MAML3: variants seen among roughly 807,000 people sequenced by gnomAD.
The protein encoded by MAML3 is mastermind like transcriptional coactivator 3.
Under a neutral mutation model 101.9 loss-of-function variants are expected in MAML3, and 27 were observed. The ratio of observed to expected loss-of-function variants is 0.27; its 90% CI spans 0.20 to 0.37. The LOEUF (loss-of-function observed/expected upper bound fraction) is 0.37, where lower values mean the gene tolerates loss of function less well. Ranked by LOEUF, MAML3 falls within the 10% of genes least tolerant of loss-of-function variation. MAML3 has a pLI of 1.00. For missense variants in MAML3, 1,316 were observed against 1,444.9 expected (o/e 0.91, Z 1.45); for synonymous variants, 501 against 555.9 (o/e 0.90, Z 1.39).
intron 2 of MAML3, among the ~76,000 whole-genome samples, chr4:139,887,972 C>G (rs1732375881): frequency 6.6e-6 from 1 of 152,168 alleles, no homozygotes; most frequent in Admixed American, 6.5e-5. Context: ...TTTCTAGTAG[C>G]TACTGATTGC....
intron 1 of MAML3, among the ~76,000 whole-genome samples, chr4:139,942,489 G>C (rs1019110713): frequency 1.3e-5 from 2 of 152,226 alleles, no homozygotes; most frequent in African/African-American, 2.4e-5. Context: ...AGGAACTGGA[G>C]CAGACACATC....
intron 2 of MAML3, among the ~76,000 whole-genome samples, chr4:139,747,315 C>T (rs1729356607): frequency 1.3e-5 from 2 of 152,128 alleles, no homozygotes; most frequent in South Asian, 2.1e-4. Flanking sequence ...TTTCCCCCAC[C>T]TTTTAGACAG....
At chr4:139,762,409 G>C (rs1362489132) in intron 2 of MAML3, among the ~76,000 whole-genome samples, 1 of 152,120 alleles carries the variant, frequency 6.6e-6, no homozygotes, top group Non-Finnish European at 1.5e-5. Flanking sequence ...TCATTCATTT[G>C]CATTTCTTTT....
At chr4:139,931,425 C>T (rs1419904810) in intron 1 of MAML3, among the ~76,000 whole-genome samples, 1 of 152,126 alleles carries the variant, frequency 6.6e-6, no homozygotes, top group African/African-American at 2.4e-5. Flanking sequence ...TACCTTGTAC[C>T]GTCTAAAAAT....
chr4:139,788,173 T>C (rs771592647), intron 2 of MAML3, among the ~76,000 whole-genome samples: 3 of 152,202 alleles, frequency 2.0e-5, no homozygotes, highest in Admixed American at 2.0e-4. Context: ...TTCTTTTCGA[T>C]ATTACATTGA....
chr4:139,947,208 C>T (rs892769096), intron 1 of MAML3, among the ~76,000 whole-genome samples: 2 of 152,070 alleles, frequency 1.3e-5, no homozygotes, highest in Non-Finnish European at 2.9e-5. Flanking sequence ...TTAAAATCTT[C>T]GGTAGATTTT....
chr4:139,832,254 G>A (rs971770326), intron 2 of MAML3, among the ~76,000 whole-genome samples: 9 of 151,240 alleles, frequency 6.0e-5, no homozygotes, highest in African/African-American at 2.2e-4. Flanking sequence ...ACAGGCGTGT[G>A]CCACTACGCC....
intron 2 of MAML3, among the ~76,000 whole-genome samples, chr4:139,840,792 T>C (rs913377679): frequency 6.6e-6 from 1 of 152,208 alleles, no homozygotes; most frequent in Non-Finnish European, 1.5e-5. Context: ...TTGCTCTCTC[T>C]GCCATGGTGG....
intron 2 of MAML3, among the ~76,000 whole-genome samples, chr4:139,827,528 G>A (rs893511930): frequency 1.3e-5 from 2 of 151,872 alleles, no homozygotes; most frequent in African/African-American, 2.4e-5. Context: ...AATTACAAAG[G>A]ACTAGGGGGG....
At chr4:139,984,650 G>T (rs1250841138) in intron 1 of MAML3, among the ~76,000 whole-genome samples, 1 of 152,108 alleles carries the variant, frequency 6.6e-6, no homozygotes, top group Non-Finnish European at 1.5e-5. Flanking sequence ...TGGCTCATGC[G>T]ACTGTGGGGG....
At chr4:140,094,646 C>T (rs1728122306) in intron 1 of MAML3, among the ~76,000 whole-genome samples, 1 of 152,302 alleles carries the variant, frequency 6.6e-6, no homozygotes, top group Non-Finnish European at 1.5e-5. Flanking sequence ...CTAAGATAGC[C>T]GGTGGCCAAC....
chr4:140,072,375 A>G (rs1168893457), intron 1 of MAML3, among the ~76,000 whole-genome samples: 2 of 152,180 alleles, frequency 1.3e-5, no homozygotes, highest in Non-Finnish European at 2.9e-5. Context: ...TCAAGGGATA[A>G]CTTAAAGTAT....
intron 1 of MAML3, among the ~76,000 whole-genome samples, chr4:140,143,770 C>T (rs796319444): frequency 2.0e-4 from 30 of 152,150 alleles, no homozygotes; most frequent in African/African-American, 6.7e-4. Context: ...CAAAAAAAGA[C>T]AACCGTTCAC....
intron 1 of MAML3, among the ~76,000 whole-genome samples, chr4:139,968,186 C>A (rs1337764880): frequency 6.6e-6 from 1 of 151,214 alleles, no homozygotes; most frequent in African/African-American, 2.4e-5. Context: ...AGGCTTTATA[C>A]AATGACATTT....
chr4:140,141,078 A>G (rs1363854479), intron 1 of MAML3, among the ~76,000 whole-genome samples: 1 of 152,216 alleles, frequency 6.6e-6, no homozygotes, highest in Non-Finnish European at 1.5e-5. Context: ...TCAGGTGAAG[A>G]CAGAAAAATA....
chr4:139,930,590 C>G (rs1578603078), intron 1 of MAML3, among the ~76,000 whole-genome samples: 1 of 152,162 alleles, frequency 6.6e-6, no homozygotes, highest in Non-Finnish European at 1.5e-5. Flanking sequence ...AACACAGTAG[C>G]AAGGAATAGG....
At chr4:139,853,108 C>T (rs923376574) in intron 2 of MAML3, among the ~76,000 whole-genome samples, 15 of 152,328 alleles carry the variant, frequency 9.8e-5, no homozygotes, top group African/African-American at 2.6e-4. Flanking sequence ...GATTCAGTTA[C>T]AGAACCACAG....
chr4:139,986,158 G>GT (rs1734535422), intron 1 of MAML3, among the ~76,000 whole-genome samples: 3 of 152,318 alleles, frequency 2.0e-5, no homozygotes, highest in Non-Finnish European at 4.4e-5. Flanking sequence ...ATACAAACGG[G>GT]TTTTTTCCGA....
At chr4:139,801,643 G>GGTGTGTGTGTGTGTGTGTGT (rs755484864) in intron 2 of MAML3, among the ~76,000 whole-genome samples, 1 of 30,744 alleles carries the variant, frequency 3.3e-5, no homozygotes, top group African/African-American at 8.7e-5. Context: ...GGTGTGTGTG[G>GGTGTGTGTGTGTGTGTGTGT]GTGTGTGTGT....
Sources: allele counts gnomAD v4.1 joint callset (sites outside exome capture counted in the v4.1 genomes callset), GRCh38; gene constraint gnomAD v4.1.1; transcripts MANE v1.5; gene names NCBI Gene and HGNC (gene_info 2026-07-23, HGNC 2026-07-21).